Variants in GFRA1 observed in about 807,000 individuals in gnomAD.
GFRA1 encodes GDNF family receptor alpha-1.
Under a neutral mutation model 51.6 loss-of-function variants are expected in GFRA1, and 16 were observed. The ratio of observed to expected loss-of-function variants is 0.31; its 90% CI spans 0.21 to 0.47. The LOEUF (loss-of-function observed/expected upper bound fraction) is 0.47. GFRA1 is among the 20% of genes least tolerant of loss of function. GFRA1 has a pLI of 1.00. For synonymous variants in GFRA1, 270 were observed against 241.3 expected, an observed-to-expected ratio of 1.12 and a Z score of -1.10; for missense variants, 530 against 594.3, an observed-to-expected ratio of 0.89 and a Z score of 1.13.
At chr10:116,116,678 C>T (rs978189979) in intron 6 of GFRA1, among the ~76,000 whole-genome samples, 10 of 151,946 alleles carry the variant, frequency 6.6e-5, no homozygotes, top group African/African-American at 9.7e-5. Context: ...TATTTTTTTC[C>T]TATTTGTAGA....
At chr10:116,132,656 A>T (rs1272552702) in intron 5 of GFRA1, among the ~76,000 whole-genome samples, 1 of 152,104 alleles carries the variant, frequency 6.6e-6, no homozygotes, top group Non-Finnish European at 1.5e-5. Flanking sequence ...TACTGCAATG[A>T]AGTTAAAAAT....
At chr10:116,230,741 C>G (rs894148065) in intron 4 of GFRA1, among the ~76,000 whole-genome samples, 8 of 134,110 alleles carry the variant, frequency 6.0e-5, no homozygotes, top group Non-Finnish European at 1.1e-4. Flanking sequence ...CACACACACA[C>G]ACAGACAATT....
At chr10:116,114,209 C>T (rs893021511) in intron 6 of GFRA1, among the ~76,000 whole-genome samples, 1 of 152,170 alleles carries the variant, frequency 6.6e-6, no homozygotes, top group East Asian at 1.9e-4. Flanking sequence ...AGAAGAAGCA[C>T]GTGGCCAAGA....
At chr10:116,142,755 C>G (rs1958625654) in intron 5 of GFRA1, among the ~76,000 whole-genome samples, 1 of 152,094 alleles carries the variant, frequency 6.6e-6, no homozygotes, top group African/African-American at 2.4e-5. Flanking sequence ...TTGTGTGGAT[C>G]AAGAAACATC....
intron 4 of GFRA1, among the ~76,000 whole-genome samples, chr10:116,245,985 G>T (rs1383756275): frequency 1.3e-5 from 2 of 152,160 alleles, no homozygotes; most frequent in Non-Finnish European, 2.9e-5. Flanking sequence ...TCTTCTGTGT[G>T]ATACTGTAAT....
intron 6 of GFRA1, among the ~76,000 whole-genome samples, chr10:116,110,292 G>T (rs191251797): frequency 6.6e-6 from 1 of 152,182 alleles, no homozygotes; most frequent in Non-Finnish European, 1.5e-5. Context: ...ACTGGGCTAT[G>T]GGCTTTAATC....
At position 116,063,429 on chromosome 10, in the gene GFRA1, C is replaced by T. The variant is rs929119988; in HGVS notation, c.*969G>A. 2.0e-5 allele frequency: 3 copies of T among 152,116 alleles called. No homozygotes were observed. The highest frequency in any genetic ancestry group is 2.1e-4 in the South Asian group (1 of 4,828). 9.4% of individuals were successfully genotyped at this position (152,116 alleles called of 1,614,324 possible). On this transcript the variant is annotated 3_prime_UTR_variant, in exon 11 of 11. Transcript: ENST00000355422. ...TGTATTTGTGAAGTTCATATCAGAG[C>T]GAACACTACTTATGAGGGGAAAGAA...
At chr10:116,221,503 C>T (rs962562156) in intron 4 of GFRA1, among the ~76,000 whole-genome samples, 1 of 152,174 alleles carries the variant, frequency 6.6e-6, no homozygotes, top group Non-Finnish European at 1.5e-5. Context: ...CGGCTCACTG[C>T]AACCTCTCTC....
chr10:116,064,485 A>C lies in GFRA1; in HGVS notation c.1311T>G (p.Ala437=). 6.2e-7 allele frequency: 1 copy of C among 1,613,330 alleles called. No homozygotes were observed. The highest frequency in any genetic ancestry group is 8.5e-7 in the Non-Finnish European group (1 of 1,179,526). Residue 437 remains alanine, a synonymous_variant, in exon 11 of 11, where the codon GCT becomes GCG. Transcript: ENST00000355422. ...GGCTCAGACCACAGCTTGGAGGAGC[A>C]GCCATTGATTTTGTGGTTATGTGGC... The part of the protein sequence containing the change: ...ASSHITTKSM[A]APPSCGLSPL...
intron 2 of GFRA1, among the ~76,000 whole-genome samples, chr10:116,271,749 A>G (rs758709570): frequency 1.3e-5 from 2 of 152,182 alleles, no homozygotes; most frequent in Non-Finnish European, 2.9e-5. Context: ...TCCCCCGCCA[A>G]GTTGGGTCAT....
chr10:116,100,464 G>A (rs917525765), intron 6 of GFRA1, among the ~76,000 whole-genome samples: 2 of 152,188 alleles, frequency 1.3e-5, no homozygotes, highest in Non-Finnish European at 2.9e-5. Flanking sequence ...CTTAACAGGT[G>A]CATCGCCCAG....
chr10:116,064,684 C>A, intron 10 of GFRA1, 140 bp from the exon 11 acceptor site: 2 of 751,382 alleles, frequency 2.7e-6, no homozygotes, highest in Non-Finnish European at 4.8e-6. Flanking sequence ...CTGAGACTTA[C>A]ATTCACTGAC....
At chr10:116,177,253 C>T (rs1347461052) in intron 5 of GFRA1, among the ~76,000 whole-genome samples, 3 of 152,074 alleles carry the variant, frequency 2.0e-5, no homozygotes, top group Non-Finnish European at 4.4e-5. Context: ...ATTAGAAAGG[C>T]GACCTGAGTG....
In GFRA1 at chr10:116,064,225, C is replaced by G. The variant is rs1474253648; in HGVS notation, c.*173G>C. The G allele has an allele frequency of 3.4e-5, 21 of 621,874 alleles. No homozygotes were observed. The East Asian group carries it at 3.9e-4, about 12-fold the overall frequency. 38.5% of individuals were successfully genotyped at this position (621,874 alleles called of 1,614,324 possible). The stretch of plus-strand genomic sequence containing the variant: ...ACTGCATCAGGTTTTTCACAGAAGC[C>G]CCAAAGGATCACAAGAAGCTTTCTT... On this transcript the variant is annotated 3_prime_UTR_variant, in exon 11 of 11. Transcript: ENST00000355422.
chr10:116,180,900 T>A lies in GFRA1; in HGVS notation c.433+30731A>T, dbSNP rs78849440. Among the ~76,000 whole-genome samples the A allele has an allele frequency of 3.4e-3, 520 of 152,314 alleles. 1 individual carries two copies. Among genetic ancestry groups the A allele is most frequent in the African/African-American group, 0.012 (504 of 41,564 alleles). On this transcript the variant is annotated intron_variant, in intron 5 of 10. Coordinates refer to ENST00000355422, the MANE Select transcript of GFRA1 (RefSeq NM_005264.8). ...TTTCCTGAGATCTTTGTTCTATTTC[T>A]GAATACTTTCCATAAGCCTTTTATG... is the stretch of plus-strand genomic sequence containing the variant.
chr10:116,269,450 C>T (rs1969920445), intron 4 of GFRA1, 53 bp downstream of exon 4: 2 of 1,004,668 alleles, frequency 2.0e-6, no homozygotes, highest in African/African-American at 3.2e-5. Context: ...AGAATGCAAG[C>T]CAACGAATTC....
chr10:116,080,091 G>A (rs543314486), intron 9 of GFRA1, among the ~76,000 whole-genome samples: 4 of 152,306 alleles, frequency 2.6e-5, no homozygotes, highest in South Asian at 2.1e-4. Context: ...AAGGTGGGAC[G>A]AAGGGGGACA....
intron 6 of GFRA1, among the ~76,000 whole-genome samples, chr10:116,097,833 TG>T (rs1476642115): frequency 1.3e-5 from 2 of 152,208 alleles, no homozygotes; most frequent in Non-Finnish European, 2.9e-5. Context: ...CCTAAGAGAC[TG>T]TATTTTCTTG....
At chr10:116,173,653 C>G (rs576493512) in intron 5 of GFRA1, among the ~76,000 whole-genome samples, 1 of 152,160 alleles carries the variant, frequency 6.6e-6, no homozygotes, top group African/African-American at 2.4e-5. Context: ...CTATTCTAAA[C>G]GGAGGCCTAG....
Sources: gnomAD v4.1 joint callset for allele counts (sites outside exome capture counted in the v4.1 genomes callset) on GRCh38, gnomAD v4.1.1 for gene constraint, MANE v1.5 for transcripts, NCBI Gene and HGNC (gene_info 2026-07-23, HGNC 2026-07-21) for gene names.